Variants in ABCC1 observed in about 807,000 individuals in gnomAD.
ABCC1 encodes multidrug resistance-associated protein 1.
In ABCC1, 83 loss-of-function variants were observed where a neutral mutation model predicts 172.9. The observed-to-expected ratio is 0.48, with a 90% CI of 0.40 to 0.58. The LOEUF (loss-of-function observed/expected upper bound fraction) is 0.58. Ranked by LOEUF, ABCC1 falls within the 20% of genes least tolerant of loss-of-function variation. The probability of loss-of-function intolerance (pLI) is 0.00; values close to 1 mark genes in which losing one functional copy is unlikely to be tolerated. For synonymous variants in ABCC1, 937 were observed against 825.2 expected, an observed-to-expected ratio of 1.14 and a Z score of -2.32; for missense variants, 1,817 against 2,002.7, an observed-to-expected ratio of 0.91 and a Z score of 1.77.
chr16:16,139,760 C>T (rs900384108), intron 30 of ABCC1, among the ~76,000 whole-genome samples: 2 of 152,110 alleles, frequency 1.3e-5, no homozygotes, highest in African/African-American at 4.8e-5. Flanking sequence ...CAGAATGCTG[C>T]CATAGTGCCA....
chr16:16,055,481 C>T (rs950319776), intron 11 of ABCC1, among the ~76,000 whole-genome samples: 5 of 151,074 alleles, frequency 3.3e-5, no homozygotes. Flanking sequence ...ACCCGGGAGG[C>T]AGAGGTTGCA....
chr16:15,966,389 G>C (rs1372527331), intron 1 of ABCC1, among the ~76,000 whole-genome samples: 8 of 145,210 alleles, frequency 5.5e-5, no homozygotes, highest in Non-Finnish European at 1.1e-4. Context: ...TCCAGCCTGG[G>C]TGACAGAGAG....
At chr16:15,991,287 T>G (rs12923217) in intron 1 of ABCC1, among the ~76,000 whole-genome samples, 16,188 of 150,662 alleles carry the variant, frequency 0.11, 962 homozygotes, top group Middle Eastern at 0.16. Flanking sequence ...GTGTGTGTGG[T>G]GGGGTGCGGG....
chr16:16,014,400 T>C (rs2047909634), intron 3 of ABCC1, 91 bp from the exon 4 acceptor site: 1 of 1,451,194 alleles, frequency 6.9e-7, no homozygotes, highest in African/African-American at 1.4e-5. Flanking sequence ...TGAGCTGAGA[T>C]TGCACCACTG....
In ABCC1 at chr16:16,066,902, CAA is replaced by C. The variant is rs59774947; in HGVS notation, c.1678-1242_1678-1241del. ...TGTGCAAAAGAATGAGACTGTGTCTCAAAAAAAAAAAAAGTATCTTTAGGTAA... is the reference window on the plus strand; with the variant it reads ...TGTGCAAAAGAATGAGACTGTGTCTCAAAAAAAAAAAGTATCTTTAGGTAA... On this transcript the variant is annotated intron_variant, in intron 12 of 30. Transcript: ENST00000399410. 2.0e-3 allele frequency among the ~76,000 whole-genome samples: 299 copies of C among 146,726 alleles called. 1 individual carries two copies. The highest frequency in any genetic ancestry group is 5.1e-3 in the African/African-American group (202 of 39,994).
At chr16:15,972,479 C>G (rs1207097649) in intron 1 of ABCC1, among the ~76,000 whole-genome samples, 1 of 152,146 alleles carries the variant, frequency 6.6e-6, no homozygotes, top group African/African-American at 2.4e-5. Context: ...TTCCTCAAGG[C>G]CCCTAAATGG....
chr16:15,954,614 C>A (rs2045946733), intron 1 of ABCC1, among the ~76,000 whole-genome samples: 1 of 152,080 alleles, frequency 6.6e-6, no homozygotes, highest in African/African-American at 2.4e-5. Flanking sequence ...CAATCAGGAG[C>A]GGATTCAGGG....
chr16:16,124,017 C>A (rs1596539462), intron 24 of ABCC1, among the ~76,000 whole-genome samples: 3 of 151,856 alleles, frequency 2.0e-5, no homozygotes, highest in African/African-American at 7.2e-5. Context: ...GACCCCATCT[C>A]AAAAAAACAA....
rs1400543922 is a variant in ABCC1 at position 16,016,482 on chromosome 16, T to C, written c.490-14T>C. The C allele has an allele frequency of 4.3e-6, 7 of 1,613,706 alleles. No homozygotes were observed. The highest frequency in any genetic ancestry group is 1.7e-5 in the Admixed American group (1 of 59,970). ...GAATGTGATCTTTTTCTTCCTTCCT[T>C]CCCCACCATGTAGGATGCCCAGGTG... On this transcript the variant is annotated splice_polypyrimidine_tract_variant and intron_variant, in intron 4 of 30. Coordinates refer to ENST00000399410, the MANE Select transcript of ABCC1 (RefSeq NM_004996.4).
rs761444938 is a variant in ABCC1, at chr16:16,016,531, C to T, written c.525C>T (p.Phe175=). The change falls in exon 5 of 31, where the codon TTC becomes TTT. Residue 175 remains phenylalanine, a synonymous_variant. Coordinates refer to ENST00000399410, the MANE Select transcript of ABCC1 (RefSeq NM_004996.4). ...TGGACCTGTTTCGTGACATCACTTT[C>T]TACGTCTACTTTTCCCTCTTACTCA... The part of the protein sequence containing the change: ...AQVDLFRDIT[F]YVYFSLLLIQ... 2.2e-5 allele frequency: 36 copies of T among 1,614,034 alleles called. No individual in the cohort carries two copies. Among genetic ancestry groups the T allele is most frequent in the Non-Finnish European group, 3.1e-5 (36 of 1,180,004 alleles).
chr16:16,096,002 CAT>C (rs1386170799), intron 19 of ABCC1, among the ~76,000 whole-genome samples: 3 of 152,128 alleles, frequency 2.0e-5, no homozygotes, highest in Non-Finnish European at 4.4e-5. Flanking sequence ...AAAGGTGGCT[CAT>C]ATGTGTAATG....
intron 1 of ABCC1, among the ~76,000 whole-genome samples, chr16:15,998,890 C>T (rs992751887): frequency 3.3e-5 from 5 of 152,264 alleles, no homozygotes; most frequent in South Asian, 2.1e-4. Flanking sequence ...TCTGCTACTA[C>T]GGTTTATTGT....
chr16:16,004,866 G>T (rs908506637), intron 1 of ABCC1, among the ~76,000 whole-genome samples: 1 of 151,206 alleles, frequency 6.6e-6, no homozygotes, highest in Non-Finnish European at 1.5e-5. Flanking sequence ...TTTTATGGGG[G>T]GTTCTTGCCA....
chr16:16,038,420 C>T (rs1485470725), intron 7 of ABCC1, among the ~76,000 whole-genome samples: 1 of 152,144 alleles, frequency 6.6e-6, no homozygotes, highest in Non-Finnish European at 1.5e-5. Flanking sequence ...TCCCAGAGGC[C>T]AGAAATCCTG....
At chr16:16,007,330 C>T (rs892194770) in intron 1 of ABCC1, among the ~76,000 whole-genome samples, 1 of 152,046 alleles carries the variant, frequency 6.6e-6, no homozygotes, top group Non-Finnish European at 1.5e-5. Context: ...CAGGCTCAGG[C>T]ACTCCTCCCA....
intron 1 of ABCC1, among the ~76,000 whole-genome samples, chr16:15,996,226 G>A (rs889171629): frequency 1.3e-5 from 2 of 151,778 alleles, no homozygotes; most frequent in Non-Finnish European, 2.9e-5. Context: ...CTCATGATCC[G>A]CCCGCCTCAG....
At chr16:16,062,507 C>T (rs1047599483) in intron 12 of ABCC1, among the ~76,000 whole-genome samples, 4 of 152,100 alleles carry the variant, frequency 2.6e-5, no homozygotes, top group South Asian at 2.1e-4. Flanking sequence ...ATACTGAGCC[C>T]GGCTACCGGC....
chr16:16,063,342 A>G (rs1470807430), intron 12 of ABCC1, among the ~76,000 whole-genome samples: 1 of 152,096 alleles, frequency 6.6e-6, no homozygotes, highest in African/African-American at 2.4e-5. Context: ...TCCTGACCTC[A>G]AGTGATCCGC....
At chr16:16,141,139 C>G in intron 30 of ABCC1, 34 bp from the exon 31 acceptor site, 3 of 1,596,956 alleles carry the variant, frequency 1.9e-6, no homozygotes, top group Non-Finnish European at 2.6e-6. Context: ...TCACCCCTCC[C>G]CTTCCCCTCA....
Sources: allele counts gnomAD v4.1 joint callset (sites outside exome capture counted in the v4.1 genomes callset), GRCh38; gene constraint gnomAD v4.1.1; transcripts MANE v1.5; gene names NCBI Gene and HGNC (gene_info 2026-07-23, HGNC 2026-07-21).